The following MACROD2 variants were observed in gnomAD, a reference collection of about 807,000 sequenced individuals.
MACROD2 encodes the protein mono-ADP ribosylhydrolase 2.
A neutral mutation model predicts 70.4 loss-of-function variants in MACROD2; 36 were observed. That is an observed-to-expected ratio of 0.51 (90% CI 0.39 to 0.68). The LOEUF is 0.68. Among genes scored for constraint, MACROD2 ranks in the 30% least tolerant of loss-of-function variants. The pLI is 0.00. For synonymous variants in MACROD2, 172 were observed against 178.8 expected (o/e 0.96, Z 0.30); for missense variants, 496 against 538.4 (o/e 0.92, Z 0.78).
At chr20:14,444,124 G>A (rs1038629335) in intron 3 of MACROD2, among the ~76,000 whole-genome samples, 4 of 152,028 alleles carry the variant, frequency 2.6e-5, no homozygotes, top group Non-Finnish European at 2.9e-5. Context: ...GGACAAATAG[G>A]TCAATGTTAT....
At chr20:14,325,338 A>C (rs1319741755) in intron 3 of MACROD2, 1 of 419,110 alleles carries the variant, frequency 2.4e-6, no homozygotes, top group African/African-American at 2.1e-5. Flanking sequence ...AAAATATAGA[A>C]TTGTGTTCAG....
At chr20:15,209,115 GTATTTATT>G (rs56191744) in intron 5 of MACROD2, among the ~76,000 whole-genome samples, 16,613 of 147,116 alleles carry the variant, frequency 0.11, 1,179 homozygotes, top group African/African-American at 0.2. Flanking sequence ...GGTGGTGGTG[GTATTTATT>G]TATTTATTTA....
intron 3 of MACROD2, among the ~76,000 whole-genome samples, chr20:14,452,749 C>T (rs755116935): frequency 2.6e-5 from 4 of 152,058 alleles, no homozygotes; most frequent in Non-Finnish European, 4.4e-5. Context: ...TTTGGTAAAC[C>T]GAATAGCTTG....
intron 8 of MACROD2, among the ~76,000 whole-genome samples, chr20:15,857,194 A>C (rs2064366342): frequency 6.6e-6 from 1 of 152,194 alleles, no homozygotes. Flanking sequence ...AAAAGCTTCT[A>C]ACCGGGGCCC....
At chr20:14,960,982 C>G (rs140425144) in intron 5 of MACROD2, among the ~76,000 whole-genome samples, 1,780 of 152,250 alleles carry the variant, frequency 0.012, 23 homozygotes, top group Non-Finnish European at 0.018. Context: ...CTTGCTAAAA[C>G]TGCTGAGTTT....
chr20:15,477,412 CA>C (rs1568835983), intron 7 of MACROD2, among the ~76,000 whole-genome samples: 1 of 152,098 alleles, frequency 6.6e-6, no homozygotes, highest in Non-Finnish European at 1.5e-5. Flanking sequence ...ACTTTTAAAT[CA>C]GATTTTTAAT....
intron 5 of MACROD2, among the ~76,000 whole-genome samples, chr20:15,009,062 T>C (rs1036058382): frequency 6.6e-6 from 1 of 152,144 alleles, no homozygotes; most frequent in African/African-American, 2.4e-5. Context: ...ACAATGATTA[T>C]ATATGAGGCA....
chr20:15,688,634 G>A (rs1402673941), intron 8 of MACROD2, among the ~76,000 whole-genome samples: 1 of 152,132 alleles, frequency 6.6e-6, no homozygotes, highest in African/African-American at 2.4e-5. Context: ...AAAATACCTT[G>A]ATATACGGAA....
chr20:14,928,130 T>A lies in MACROD2; in HGVS notation c.418+243171T>A, dbSNP rs367773942. 1.2e-4 allele frequency among the ~76,000 whole-genome samples: 19 copies of A among 152,330 alleles called. No homozygotes were observed. In the East Asian group the frequency reaches 3.7e-3, roughly 29 times the overall value. On this transcript the variant is annotated intron_variant, in intron 5 of 17. Coordinates refer to ENST00000684519, the MANE Select transcript of MACROD2 (RefSeq NM_001351661.2). The stretch of plus-strand genomic sequence containing the variant: ...AACTCTGAACAGACACATTCATGCA[T>A]CTTCTTGTCCACCAGCTGCAGGAAC...
chr20:16,013,993 T>C (rs530812451), intron 15 of MACROD2, among the ~76,000 whole-genome samples: 8 of 152,360 alleles, frequency 5.3e-5, no homozygotes, highest in Admixed American at 3.3e-4. Context: ...CATTTTTAAC[T>C]GCGACATTTA....
intron 5 of MACROD2, among the ~76,000 whole-genome samples, chr20:14,828,231 A>G (rs2072924146): frequency 6.6e-6 from 1 of 152,058 alleles, no homozygotes; most frequent in Non-Finnish European, 1.5e-5. Flanking sequence ...AATTTGTTTC[A>G]TTAATTACTT....
At chr20:14,898,541 AC>A (rs2073857675) in intron 5 of MACROD2, among the ~76,000 whole-genome samples, 1 of 152,198 alleles carries the variant, frequency 6.6e-6, no homozygotes, top group Admixed American at 6.5e-5. Context: ...AGCCTGGCCA[AC>A]ATGGTGAAAC....
At chr20:15,478,645 A>G (rs1414900720) in intron 7 of MACROD2, among the ~76,000 whole-genome samples, 1 of 152,118 alleles carries the variant, frequency 6.6e-6, no homozygotes, top group African/African-American at 2.4e-5. Context: ...CCCCAAGCAC[A>G]GCACCCAAAT....
chr20:15,097,766 G>C (rs1377442408), intron 5 of MACROD2, among the ~76,000 whole-genome samples: 2 of 152,294 alleles, frequency 1.3e-5, no homozygotes, highest in East Asian at 3.9e-4. Flanking sequence ...TGGAAAGTTA[G>C]GGCAAGGCCA....
At chr20:14,747,546 C>T (rs1014410760) in intron 5 of MACROD2, among the ~76,000 whole-genome samples, 1 of 152,096 alleles carries the variant, frequency 6.6e-6, no homozygotes, top group African/African-American at 2.4e-5. Context: ...GATTCAAGTT[C>T]ACCTAAGTAG....
At chr20:15,424,246 A>G (rs1252607775) in intron 6 of MACROD2, among the ~76,000 whole-genome samples, 1 of 151,838 alleles carries the variant, frequency 6.6e-6, no homozygotes, top group African/African-American at 2.4e-5. Context: ...AGGGATGAAG[A>G]CTTGGGAAAA....
At chr20:14,965,106 G>A (rs971385557) in intron 5 of MACROD2, among the ~76,000 whole-genome samples, 3 of 152,036 alleles carry the variant, frequency 2.0e-5, no homozygotes, top group Non-Finnish European at 4.4e-5. Flanking sequence ...TACTATAAAT[G>A]GTCAGCAGAT....
chr20:15,411,498 A>G (rs955108618), intron 6 of MACROD2, among the ~76,000 whole-genome samples: 1 of 152,180 alleles, frequency 6.6e-6, no homozygotes, highest in Non-Finnish European at 1.5e-5. Flanking sequence ...GAGAGATTTT[A>G]CTGAATTTTC....
At chr20:14,018,532 T>A (rs554018795) in intron 2 of MACROD2, among the ~76,000 whole-genome samples, 15 of 152,184 alleles carry the variant, frequency 9.9e-5, no homozygotes, top group Non-Finnish European at 2.1e-4. Flanking sequence ...TTTCCACATA[T>A]CTTTTAGTTT....
Sources: allele counts gnomAD v4.1 joint callset (sites outside exome capture counted in the v4.1 genomes callset), GRCh38; gene constraint gnomAD v4.1.1; transcripts MANE v1.5; gene names NCBI Gene and HGNC (gene_info 2026-07-23, HGNC 2026-07-21).